The following SUPT3H variants were observed in gnomAD, a reference collection of about 807,000 sequenced individuals.
SUPT3H encodes the protein SPT3 homolog, SAGA and STAGA complex component, also known as transcription initiation protein SPT3 homolog.
SUPT3H carries 44 observed loss-of-function variants against 44.3 expected under a neutral mutation model. That is an observed-to-expected ratio of 0.99 (90% CI 0.78 to 1.28). SUPT3H has a LOEUF of 1.28. Ranked by LOEUF, SUPT3H falls within the 50% of genes most tolerant of loss-of-function variation. The pLI, the probability that SUPT3H is intolerant of heterozygous loss-of-function variation, is 0.00. For synonymous variants in SUPT3H, 124 were observed against 125.6 expected (o/e 0.99, Z 0.09); for missense variants, 380 against 387.1 (o/e 0.98, Z 0.15).
intron 3 of SUPT3H, among the ~76,000 whole-genome samples, chr6:45,043,018 CCTTA>C (rs1268034567): frequency 2.0e-5 from 3 of 151,944 alleles, no homozygotes; most frequent in Non-Finnish European, 4.4e-5. Context: ...CAGTGTCCTC[CCTTA>C]CTAAATATTT....
At chr6:44,963,828 T>A (rs182435218) in intron 6 of SUPT3H, among the ~76,000 whole-genome samples, 1 of 151,774 alleles carries the variant, frequency 6.6e-6, no homozygotes, top group African/African-American at 2.4e-5. Flanking sequence ...TGAAACCCCA[T>A]CTCTACTAAA....
At chr6:45,073,067 G>A (rs1323388485) in intron 3 of SUPT3H, among the ~76,000 whole-genome samples, 1 of 152,124 alleles carries the variant, frequency 6.6e-6, no homozygotes, top group Admixed American at 6.6e-5. Context: ...CTCCGTTAAA[G>A]TCTATTTCTC....
chr6:45,030,795 C>T (rs563131612), intron 3 of SUPT3H, among the ~76,000 whole-genome samples: 17 of 152,172 alleles, frequency 1.1e-4, no homozygotes, highest in Admixed American at 1.0e-3. Context: ...ATAATTTTGT[C>T]TTTTTGTTGA....
chr6:45,264,043 T>A (rs1774845024), intron 2 of SUPT3H, among the ~76,000 whole-genome samples: 1 of 152,100 alleles, frequency 6.6e-6, no homozygotes, highest in South Asian at 2.1e-4. Context: ...GCAAATTCAA[T>A]TTACAGAAAA....
chr6:45,289,835 T>C (rs1780018452), intron 2 of SUPT3H, among the ~76,000 whole-genome samples: 1 of 152,184 alleles, frequency 6.6e-6, no homozygotes, highest in Non-Finnish European at 1.5e-5. Context: ...CTGGTAACAC[T>C]AGTACAGAGG....
Position 45,345,958 on chromosome 6 carries a change from CG to C in SUPT3H, c.101+19242del, listed in dbSNP as rs1790768303. Among the ~76,000 whole-genome samples, 4 of 152,098 alleles carry C rather than the reference CG, an allele frequency of 2.6e-5. No individual in the cohort carries two copies. The South Asian group carries it at 8.3e-4, about 32-fold the overall frequency. ...CTGTGTCTTTGATCATGCTGTCTCCCGTACTTGCAATATTCCCTACCTATCC... is the reference window on the plus strand; with the variant it reads ...CTGTGTCTTTGATCATGCTGTCTCCCTACTTGCAATATTCCCTACCTATCC... On this transcript the variant is annotated intron_variant, in intron 2 of 10. Coordinates refer to ENST00000371459, the MANE Select transcript of SUPT3H (RefSeq NM_003599.4).
At chr6:45,291,149 A>G (rs1780253086) in intron 2 of SUPT3H, among the ~76,000 whole-genome samples, 1 of 152,198 alleles carries the variant, frequency 6.6e-6, no homozygotes, top group Non-Finnish European at 1.5e-5. Flanking sequence ...CTGCAATACC[A>G]GCCCAGAGCC....
At chr6:44,814,378 G>A (rs745428876) in intron 11 of SUPT3H, among the ~76,000 whole-genome samples, 1 of 152,120 alleles carries the variant, frequency 6.6e-6, no homozygotes, top group South Asian at 2.1e-4. Context: ...CCCAGCAGAG[G>A]AGCAGGTGTC....
At position 45,159,980 on chromosome 6, in the gene SUPT3H, A is replaced by T. The variant is rs80026746; in HGVS notation, c.102-53974T>A. On this transcript the variant is annotated intron_variant, in intron 2 of 10. Coordinates refer to ENST00000371459, the MANE Select transcript of SUPT3H (RefSeq NM_003599.4). ...TTAATGCGAGTTATAAACTAACAAA[A>T]ATCTGGGTTCAAATAATTAATTTAT... 3.3e-5 allele frequency among the ~76,000 whole-genome samples: 5 copies of T among 152,304 alleles called. No homozygotes were observed. In the East Asian group the frequency reaches 9.6e-4, roughly 29 times the overall value.
At chr6:45,302,082 T>C (rs899298886) in intron 2 of SUPT3H, among the ~76,000 whole-genome samples, 4 of 152,164 alleles carry the variant, frequency 2.6e-5, no homozygotes, top group African/African-American at 7.2e-5. Context: ...TCTGCGTCAA[T>C]TGTATGAGGG....
intron 6 of SUPT3H, among the ~76,000 whole-genome samples, chr6:44,977,769 T>C (rs562678478): frequency 6.6e-6 from 1 of 152,232 alleles, no homozygotes; most frequent in African/African-American, 2.4e-5. Context: ...AGTAAAATTA[T>C]GCAGTTCACT....
intron 2 of SUPT3H, among the ~76,000 whole-genome samples, chr6:45,186,877 C>A (rs1288500015): frequency 3.3e-5 from 5 of 152,022 alleles, no homozygotes; most frequent in Non-Finnish European, 5.9e-5. Context: ...CTGAATAACA[C>A]CTTGCTATGT....
intron 9 of SUPT3H, among the ~76,000 whole-genome samples, chr6:44,952,179 T>C (rs1774417325): frequency 6.6e-6 from 1 of 152,188 alleles, no homozygotes; most frequent in Admixed American, 6.5e-5. Flanking sequence ...TATATGGGCA[T>C]ATATGTTAAC....
chr6:45,161,956 G>A (rs1267946482), intron 2 of SUPT3H, among the ~76,000 whole-genome samples: 5 of 151,774 alleles, frequency 3.3e-5, no homozygotes, highest in Non-Finnish European at 5.9e-5. Flanking sequence ...AATGTAACAC[G>A]TACTAAATAA....
intron 2 of SUPT3H, among the ~76,000 whole-genome samples, chr6:45,248,801 G>A (rs1311633691): frequency 6.6e-6 from 1 of 151,938 alleles, no homozygotes; most frequent in Admixed American, 6.6e-5. Context: ...TGTAGTCCCA[G>A]CTACTTGGGA....
chr6:45,361,033 GA>G (rs1794158973), intron 2 of SUPT3H, among the ~76,000 whole-genome samples: 1 of 152,188 alleles, frequency 6.6e-6, no homozygotes, highest in African/African-American at 2.4e-5. Flanking sequence ...AGCTACTCAG[GA>G]GATGGGGGCA....
chr6:45,198,209 C>A (rs1389798668), intron 2 of SUPT3H, among the ~76,000 whole-genome samples: 1 of 151,150 alleles, frequency 6.6e-6, no homozygotes, highest in East Asian at 1.9e-4. Flanking sequence ...TTAAAAATAG[C>A]TTTTCAAAAT....
intron 6 of SUPT3H, among the ~76,000 whole-genome samples, chr6:44,968,578 T>C (rs955106613): frequency 8.5e-5 from 13 of 152,256 alleles, no homozygotes; most frequent in African/African-American, 2.9e-4. Flanking sequence ...AAACACATGG[T>C]AAAGCACCCT....
intron 9 of SUPT3H, among the ~76,000 whole-genome samples, chr6:44,944,431 A>G (rs1772953728): frequency 6.6e-6 from 1 of 152,120 alleles, no homozygotes. Context: ...GTGACTTAAT[A>G]CATCAAATAT....
Sources: gnomAD v4.1 joint callset for allele counts (sites outside exome capture counted in the v4.1 genomes callset) on GRCh38, gnomAD v4.1.1 for gene constraint, MANE v1.5 for transcripts, NCBI Gene and HGNC (gene_info 2026-07-23, HGNC 2026-07-21) for gene names.